ABCB10: variants seen among roughly 807,000 people sequenced by gnomAD.
ABCB10 encodes ATP binding cassette subfamily B member 10, also known as ATP-binding cassette sub-family B member 10, mitochondrial.
Under a neutral mutation model 65.4 loss-of-function variants are expected in ABCB10, and 54 were observed. The observed-to-expected ratio is 0.83, with a 90% confidence interval of 0.66 to 1.04. The LOEUF is 1.04. Among genes scored for constraint, ABCB10 ranks in the 50% least tolerant of loss-of-function variants. The probability of loss-of-function intolerance (pLI) is 0.00; values close to 1 mark genes in which losing one functional copy is unlikely to be tolerated. For synonymous variants in ABCB10, 418 were observed against 406.5 expected, an observed-to-expected ratio of 1.03 and a Z score of -0.34; for missense variants, 846 against 976.6, an observed-to-expected ratio of 0.87 and a Z score of 1.78.
At chr1:229,546,171 CAAA>C (rs1236717877) in intron 3 of ABCB10, among the ~76,000 whole-genome samples, 5 of 55,014 alleles carry the variant, frequency 9.1e-5, no homozygotes, top group Non-Finnish European at 3.8e-5. Context: ...TACTCCGTCT[CAAA>C]AAAAAAAAAA....
chr1:229,530,515 C>A, intron 7 of ABCB10, 107 bp from the exon 8 acceptor site: 1 of 1,168,684 alleles, frequency 8.6e-7, no homozygotes, highest in Non-Finnish European at 1.2e-6. Context: ...TCCACCACAG[C>A]TAATCCTGGT....
At chr1:229,534,623 C>G (rs1290302418) in intron 6 of ABCB10, among the ~76,000 whole-genome samples, 1 of 151,836 alleles carries the variant, frequency 6.6e-6, no homozygotes, top group African/African-American at 2.4e-5. Flanking sequence ...AATCCCAGGA[C>G]TTTGGGAGGC....
chr1:229,518,456 C>T (rs746437184), intron 12 of ABCB10, 46 bp from the exon 13 acceptor site: 6 of 1,502,388 alleles, frequency 4.0e-6, no homozygotes, highest in South Asian at 2.3e-5. Context: ...GTCAGTGACA[C>T]CCATGTGCTT....
At chr1:229,542,539 T>A (rs1437532201) in intron 3 of ABCB10, among the ~76,000 whole-genome samples, 168 bp from the exon 4 acceptor site, 1 of 151,650 alleles carries the variant, frequency 6.6e-6, no homozygotes, top group Non-Finnish European at 1.5e-5. Flanking sequence ...CCTGTTTTGA[T>A]GGAATTTTTC....
Position 229,549,317 on chromosome 1 carries a change from G to A in ABCB10, c.635C>T (p.Thr212Ile), listed in dbSNP as rs1663048219. The A allele has an allele frequency of 7.4e-6, 12 of 1,614,122 alleles. No individual in the cohort carries two copies. Among genetic ancestry groups the A allele is most frequent in the Non-Finnish European group, 1.0e-5 (12 of 1,180,004 alleles). ...GGCACTGAGCCCTAGGCAGAGGCGG[G>A]TCAGGTTGTCGCTGTAGTCCACAGT... The part of the protein sequence containing the change: ...NPTVDYSDNL[T>I]RLCLGLSAVF... Residue 212 changes from threonine (T) to isoleucine (I), a missense_variant, in exon 2 of 13, where the codon ACC becomes ATC. Thr to Ile is a moderately conservative substitution (Grantham distance 89). Transcript: ENST00000344517.
In ABCB10 at chr1:229,558,202, C is replaced by T; in HGVS notation, c.451G>A (p.Ala151Thr). The change falls in exon 1 of 13, where the codon GCG becomes ACG. Residue 151 changes from alanine to threonine, a missense_variant. By Grantham distance (58) the Ala-to-Thr change is moderately conservative (BLOSUM62 0). Transcript: ENST00000344517. ...PGDKGRLRPA[A>T]AGLPEARKLL... ...TTCCGGGCCTCCGGGAGTCCGGCCGCTGCGGGGCGCAGCCGCCCCTTGTCC... is the reference window on the plus strand; with the variant it reads ...TTCCGGGCCTCCGGGAGTCCGGCCGTTGCGGGGCGCAGCCGCCCCTTGTCC... 7.0e-7 allele frequency: 1 copy of T among 1,422,726 alleles called. No individual in the cohort carries two copies. The highest frequency in any genetic ancestry group is 9.2e-7 in the Non-Finnish European group (1 of 1,090,572). The allele number at this position is 1,422,726 out of a possible 1,614,324, so 88.1% of individuals were successfully genotyped here. A position where few individuals can be genotyped will look rare whatever the true frequency, so the allele number is the denominator to read the frequency against.
intron 1 of ABCB10, among the ~76,000 whole-genome samples, chr1:229,551,911 G>A (rs1265954459): frequency 6.6e-6 from 1 of 152,204 alleles, no homozygotes; most frequent in African/African-American, 2.4e-5. Flanking sequence ...CACAGTGTAT[G>A]TGACCTGCTA....
chr1:229,520,941 G>A (rs902482297), intron 11 of ABCB10, among the ~76,000 whole-genome samples: 1 of 152,202 alleles, frequency 6.6e-6, no homozygotes, highest in Non-Finnish European at 1.5e-5. Flanking sequence ...GATCTTTTTA[G>A]GGTGACAGAA....
intron 6 of ABCB10, among the ~76,000 whole-genome samples, chr1:229,533,097 G>A (rs772505757): frequency 3.3e-4 from 50 of 151,566 alleles, no homozygotes; most frequent in Non-Finnish European, 6.3e-4. Context: ...GTGTGTCACC[G>A]TCCCTGGTCT....
intron 2 of ABCB10, 47 bp downstream of exon 2, chr1:229,549,187 A>G (rs747876901): frequency 2.5e-6 from 4 of 1,604,786 alleles, no homozygotes; most frequent in Non-Finnish European, 3.4e-6. Flanking sequence ...ACAGGACTCT[A>G]CATCTTCTTC....
At chr1:229,544,285 C>T (rs1047230660) in intron 3 of ABCB10, among the ~76,000 whole-genome samples, 5 of 152,026 alleles carry the variant, frequency 3.3e-5, no homozygotes, top group Middle Eastern at 3.4e-3. Context: ...GGCATGGTGG[C>T]GCACGCCTGT....
chr1:229,518,771 A>G (rs774626042), intron 12 of ABCB10, 70 bp downstream of exon 12: 184 of 1,289,598 alleles, frequency 1.4e-4, no homozygotes, highest in Middle Eastern at 1.9e-4. Context: ...GTACAGAATT[A>G]AAAGTGTTTT....
At chr1:229,552,562 T>C (rs912255113) in intron 1 of ABCB10, among the ~76,000 whole-genome samples, 2 of 152,234 alleles carry the variant, frequency 1.3e-5, no homozygotes, top group Non-Finnish European at 2.9e-5. Context: ...AATTGCAGAT[T>C]GCTGGACAAC....
intron 8 of ABCB10, among the ~76,000 whole-genome samples, chr1:229,528,693 T>G (rs1212909132): frequency 6.7e-6 from 1 of 149,524 alleles, no homozygotes; most frequent in African/African-American, 2.4e-5. Context: ...ATTACAGAAT[T>G]TTTTTTTTTT....
Position 229,540,710 on chromosome 1 carries a change from A to C in ABCB10, c.1099T>G (p.Phe367Val). 1 of 1,613,800 alleles carries C rather than the reference A, an allele frequency of 6.2e-7. No homozygotes were observed. The change falls in exon 5 of 13, where the codon TTT becomes GTT. Residue 367 changes from phenylalanine (F) to valine (V), a missense_variant. By Grantham distance (50) the Phe-to-Val change is conservative. This residue lies in a region of ABCB10 where 632 missense variants were observed against 803.2 expected (regional missense o/e 0.79). Transcript: ENST00000344517. ...RIGNVRTVRA[F>V]GKEMTEIEKY... ...TCGATTTCAGTCATTTCTTTCCCAA[A>C]AGCTCGAACAGTTCTTACATTTCCA...
chr1:229,557,277 T>G (rs753702488), intron 1 of ABCB10, among the ~76,000 whole-genome samples: 1 of 152,152 alleles, frequency 6.6e-6, no homozygotes, highest in Non-Finnish European at 1.5e-5. Flanking sequence ...CAGGTTTACC[T>G]CTATACATAC....
At chr1:229,522,901 G>A (rs1208509524) in intron 10 of ABCB10, among the ~76,000 whole-genome samples, 2 of 152,096 alleles carry the variant, frequency 1.3e-5, no homozygotes, top group African/African-American at 2.4e-5. Flanking sequence ...TCCAGGTGGA[G>A]TACAGTAGTG....
rs773274959 is a variant in ABCB10 at position 229,526,140 on chromosome 1, T to C, written c.1726-24A>G. ...TCCTACAAATTGGAAATAAAACATA[T>C]CACGAATTTCAAACAGACTTAAAAC... On this transcript the variant is annotated intron_variant, in intron 9 of 12. Transcript: ENST00000344517. 4 of 1,595,494 alleles carry C rather than the reference T, an allele frequency of 2.5e-6. No individual in the cohort carries two copies. The Admixed American group carries it at 5.3e-5, about 21-fold the overall frequency.
intron 6 of ABCB10, among the ~76,000 whole-genome samples, chr1:229,535,605 A>G (rs1481434440): frequency 1.3e-5 from 2 of 152,248 alleles, no homozygotes; most frequent in Non-Finnish European, 2.9e-5. Flanking sequence ...ACTACTCTGT[A>G]TGATACAGGA....
Sources: allele counts gnomAD v4.1 joint callset (sites outside exome capture counted in the v4.1 genomes callset), GRCh38; gene constraint gnomAD v4.1.1; regional missense constraint gnomAD v4.1.1; transcripts MANE v1.5; gene names NCBI Gene and HGNC (gene_info 2026-07-23, HGNC 2026-07-21).